The following SEMA6A variants were observed in gnomAD, a reference collection of about 807,000 sequenced individuals.
SEMA6A encodes semaphorin-6A.
Under a neutral mutation model 96.8 loss-of-function variants are expected in SEMA6A, and 25 were observed. That is an observed-to-expected ratio of 0.26 (90% CI 0.19 to 0.36). The LOEUF is 0.36. Ranked by LOEUF, SEMA6A falls within the 10% of genes least tolerant of loss-of-function variation. The pLI is 1.00. For missense variants in SEMA6A, 1,363 were observed against 1,323.1 expected (o/e 1.03, Z -0.47); for synonymous variants, 612 against 518.0 (o/e 1.18, Z -2.46).
chr5:116,553,311 C>G (rs1760489483), intron 1 of SEMA6A, among the ~76,000 whole-genome samples: 1 of 152,114 alleles, frequency 6.6e-6, no homozygotes, highest in Non-Finnish European at 1.5e-5. Flanking sequence ...CTCTGAACTC[C>G]AGGTTCAGTC....
At chr5:116,528,163 T>G (rs1014446609) in intron 1 of SEMA6A, among the ~76,000 whole-genome samples, 8 of 152,228 alleles carry the variant, frequency 5.3e-5, no homozygotes. Flanking sequence ...CTTCGCTTCC[T>G]TAACAATTGG....
At chr5:116,537,839 C>A in intron 1 of SEMA6A, among the ~76,000 whole-genome samples, 1 of 152,228 alleles carries the variant, frequency 6.6e-6, no homozygotes, top group African/African-American at 2.4e-5. Flanking sequence ...TTAATATAGA[C>A]AGGTGGCACA....
In SEMA6A at chr5:116,467,765, AC is replaced by A; in HGVS notation, c.1730-19del. On this transcript the variant is annotated intron_variant, in intron 17 of 18. Transcript: ENST00000343348. Reference sequence around the variant, plus strand: ...GGAATGCCCTGTTTTCATCACAAATACAGTTAGGAAAACATCACCAGAGAGA... The same window carrying A: ...GGAATGCCCTGTTTTCATCACAAATAAGTTAGGAAAACATCACCAGAGAGA... The A allele has an allele frequency of 6.2e-7, 1 of 1,612,882 alleles. No individual in the cohort carries two copies. The highest frequency in any genetic ancestry group is 8.5e-7 in the Non-Finnish European group (1 of 1,179,420).
chr5:116,492,145 T>A (rs1757359928), intron 6 of SEMA6A, among the ~76,000 whole-genome samples: 1 of 152,160 alleles, frequency 6.6e-6, no homozygotes, highest in Non-Finnish European at 1.5e-5. Flanking sequence ...TCTGACAGAC[T>A]CTGTGGTCTG....
chr5:116,454,652 G>C (rs191143178), intron 18 of SEMA6A, among the ~76,000 whole-genome samples: 40 of 152,328 alleles, frequency 2.6e-4, no homozygotes, highest in African/African-American at 8.9e-4. Flanking sequence ...GGAACTCTCT[G>C]TGGTTATCTG....
In SEMA6A at chr5:116,461,421, C is replaced by T. The variant is rs189389584; in HGVS notation, c.1894+6162G>A. 2.6e-5 allele frequency among the ~76,000 whole-genome samples: 4 copies of T among 152,118 alleles called. No individual in the cohort carries two copies. In the East Asian group the frequency reaches 7.7e-4, roughly 29 times the overall value. ...CATTTAAAAACGACTGCAATAGGAT[C>T]ATTTTTACTAATAAAAGGAATGCAA... On this transcript the variant is annotated intron_variant, in intron 18 of 18. Coordinates refer to ENST00000343348, the MANE Select transcript of SEMA6A (RefSeq NM_020796.5).
At chr5:116,498,844 C>T (rs540841287) in intron 3 of SEMA6A, 2 of 152,302 alleles carry the variant, frequency 1.3e-5, no homozygotes, top group African/African-American at 4.8e-5. Context: ...TGCCTCCCCT[C>T]AGAACTTAAG....
At chr5:116,556,855 C>T (rs2112895458) in intron 1 of SEMA6A, among the ~76,000 whole-genome samples, 1 of 152,350 alleles carries the variant, frequency 6.6e-6, no homozygotes, top group African/African-American at 2.4e-5. Flanking sequence ...GCTGGATGTA[C>T]TTGGAGTGTT....
intron 1 of SEMA6A, among the ~76,000 whole-genome samples, chr5:116,533,098 CT>C (rs1759558177): frequency 6.6e-6 from 1 of 152,168 alleles, no homozygotes; most frequent in Non-Finnish European, 1.5e-5. Context: ...AAGTTTTGGC[CT>C]TTTGATCTTT....
rs529240710 is a variant in SEMA6A at position 116,498,315 on chromosome 5, T to C, written c.219-928A>G. The C allele has an allele frequency of 3.9e-5, 6 of 152,278 alleles. No individual in the cohort carries two copies. In the East Asian group the frequency reaches 9.6e-4, roughly 24 times the overall value. 9.4% of individuals were successfully genotyped at this position (152,278 alleles called of 1,614,324 possible). On this transcript the variant is annotated intron_variant, in intron 3 of 18. Transcript: ENST00000343348. ...TTACCCACAGCTTTAAACCAGGACCTCGTCTCCCATACAGACTTTTAAGTC... is the reference window on the plus strand; with the variant it reads ...TTACCCACAGCTTTAAACCAGGACCCCGTCTCCCATACAGACTTTTAAGTC...
chr5:116,484,066 GAAAAAAAAA>G (rs542325007), intron 10 of SEMA6A, among the ~76,000 whole-genome samples: 5 of 99,926 alleles, frequency 5.0e-5, no homozygotes, highest in African/African-American at 1.0e-4. Context: ...TCTGTCTGAA[GAAAAAAAAA>G]AAAAAAAAAA....
intron 18 of SEMA6A, among the ~76,000 whole-genome samples, chr5:116,463,990 T>C (rs1215955593): frequency 6.6e-6 from 1 of 152,198 alleles, no homozygotes; most frequent in African/African-American, 2.4e-5. Context: ...TTGTTACTTT[T>C]GGTAAGGAAT....
At chr5:116,533,718 T>C (rs961711806) in intron 1 of SEMA6A, among the ~76,000 whole-genome samples, 1 of 152,200 alleles carries the variant, frequency 6.6e-6, no homozygotes, top group African/African-American at 2.4e-5. Flanking sequence ...CCTACTACTC[T>C]CTTCAAAATT....
chr5:116,537,952 G>A (rs543094337), intron 1 of SEMA6A, among the ~76,000 whole-genome samples: 3 of 150,874 alleles, frequency 2.0e-5, no homozygotes, highest in African/African-American at 7.3e-5. Flanking sequence ...CGAGGCGGGC[G>A]GATCATGAGG....
intron 1 of SEMA6A, among the ~76,000 whole-genome samples, chr5:116,524,791 C>CACACACACACAG (rs1759141644): frequency 1.3e-5 from 2 of 151,524 alleles, no homozygotes; most frequent in African/African-American, 2.4e-5. Context: ...CACACACAGA[C>CACACACACACAG]ACACACACAC....
At chr5:116,553,744 G>A (rs146511021) in intron 1 of SEMA6A, among the ~76,000 whole-genome samples, 68 of 152,144 alleles carry the variant, frequency 4.5e-4, no homozygotes, top group African/African-American at 1.6e-3. Flanking sequence ...AAGAGGGGGT[G>A]GATTCCTGGT....
chr5:116,515,335 A>G lies in SEMA6A; in HGVS notation c.-38-10353T>C, dbSNP rs111980711. On this transcript the variant is annotated intron_variant, in intron 1 of 18. Transcript: ENST00000343348. ...TCTGATTACTATTTTTTCTAAGAAT[A>G]TGACAGAGAAGAAGGGGTGGGGGAA... is the stretch of plus-strand genomic sequence containing the variant. Among the ~76,000 whole-genome samples the G allele has an allele frequency of 5.5e-3, 837 of 152,338 alleles. 14 individuals are homozygous for G. Among genetic ancestry groups the G allele is most frequent in the African/African-American group, 0.019 (797 of 41,584 alleles).
rs1171572679 is a variant in SEMA6A, at chr5:116,473,077, C to T, written c.1725G>A (p.Leu575=). The T allele has an allele frequency of 3.1e-6, 5 of 1,594,870 alleles. No individual in the cohort carries two copies. The highest frequency in any genetic ancestry group is 4.3e-6 in the Non-Finnish European group (5 of 1,169,742). The part of the protein sequence containing the change: ...LGDCHNSFVA[L]NGHSSSLLPS... ...TGAGAGTAATATCTTCCTTACCATT[C>T]AGTGCCACAAAGGAATCTGAAAGAC... Residue 575 remains leucine (L), a synonymous_variant, in exon 17 of 19, where the codon CTG becomes CTA. Transcript: ENST00000343348.
intron 18 of SEMA6A, among the ~76,000 whole-genome samples, chr5:116,465,259 C>T (rs987955096): frequency 1.2e-4 from 19 of 152,092 alleles, no homozygotes; most frequent in African/African-American, 4.1e-4. Flanking sequence ...ACTTTTCCAA[C>T]GGAGTAACGC....
Sources: allele counts gnomAD v4.1 joint callset (sites outside exome capture counted in the v4.1 genomes callset), GRCh38; gene constraint gnomAD v4.1.1; transcripts MANE v1.5; gene names NCBI Gene and HGNC (gene_info 2026-07-23, HGNC 2026-07-21).